PTPRZ1: variants seen among roughly 807,000 people sequenced by gnomAD.
PTPRZ1 encodes protein tyrosine phosphatase receptor type Z1, also known as receptor-type tyrosine-protein phosphatase zeta.
In PTPRZ1, 82 loss-of-function variants were observed where a neutral mutation model predicts 214.1. That is an observed-to-expected ratio of 0.38 (90% CI 0.32 to 0.46). The LOEUF (loss-of-function observed/expected upper bound fraction) is 0.46, where lower values mean the gene tolerates loss of function less well. Among genes scored for constraint, PTPRZ1 ranks in the 20% least tolerant of loss-of-function variants. PTPRZ1 has a pLI of 1.00. For synonymous variants in PTPRZ1, 945 were observed against 987.9 expected, an observed-to-expected ratio of 0.96 and a Z score of 0.81; for missense variants, 2,603 against 2,748.7, an observed-to-expected ratio of 0.95 and a Z score of 1.19.
intron 2 of PTPRZ1, among the ~76,000 whole-genome samples, chr7:121,951,739 T>C (rs1370769699): frequency 6.6e-6 from 1 of 152,202 alleles, no homozygotes; most frequent in Non-Finnish European, 1.5e-5. Flanking sequence ...CTGTGACTTC[T>C]CAGGGGTTTT....
intron 2 of PTPRZ1, among the ~76,000 whole-genome samples, chr7:121,965,448 G>A (rs1274078498): frequency 6.6e-6 from 1 of 152,128 alleles, no homozygotes; most frequent in Non-Finnish European, 1.5e-5. Flanking sequence ...TCAGCTCCCA[G>A]AGGCAGGTCT....
intron 28 of PTPRZ1, among the ~76,000 whole-genome samples, chr7:122,059,220 A>G (rs1015109939): frequency 7.9e-5 from 12 of 152,020 alleles, no homozygotes; most frequent in African/African-American, 2.9e-4. Context: ...GTGTTTTAGC[A>G]GTGAAATTTT....
chr7:121,972,325 T>G (rs900839716), intron 3 of PTPRZ1, among the ~76,000 whole-genome samples: 1 of 152,160 alleles, frequency 6.6e-6, no homozygotes. Context: ...AGTCATACAC[T>G]AGTCAATATC....
intron 23 of PTPRZ1, among the ~76,000 whole-genome samples, chr7:122,048,983 G>T (rs1792085763): frequency 6.6e-6 from 1 of 152,040 alleles, no homozygotes; most frequent in Non-Finnish European, 1.5e-5. Context: ...AAATCCAGCA[G>T]TGTATTTCTT....
chr7:122,050,579 A>T (rs1792147798), intron 23 of PTPRZ1, among the ~76,000 whole-genome samples: 1 of 152,138 alleles, frequency 6.6e-6, no homozygotes, highest in Non-Finnish European at 1.5e-5. Context: ...AACTTAAATA[A>T]GAAAAATAAA....
Position 122,035,621 on chromosome 7 carries a change from CA to C in PTPRZ1, c.5285-974del, listed in dbSNP as rs1041940601. Among the ~76,000 whole-genome samples the C allele has an allele frequency of 2.0e-4, 31 of 152,246 alleles. 1 individual carries two copies. The highest frequency in any genetic ancestry group is 2.0e-3 in the Admixed American group (30 of 15,300). ...TTCTAAAACTATTAAAACCAAACTA[CA>C]AAAATAGGTCACCCTGACATTGAGA... On this transcript the variant is annotated intron_variant, in intron 17 of 29. Transcript: ENST00000393386.
intron 14 of PTPRZ1, 70 bp from the exon 15 acceptor site, chr7:122,031,404 C>G: frequency 9.1e-7 from 1 of 1,104,768 alleles, no homozygotes; most frequent in Middle Eastern, 2.0e-4. Flanking sequence ...TCAGAAGCTA[C>G]TTTATAAGTG....
At chr7:121,910,645 A>C (rs1303511709) in intron 1 of PTPRZ1, among the ~76,000 whole-genome samples, 1 of 152,144 alleles carries the variant, frequency 6.6e-6, no homozygotes, top group Non-Finnish European at 1.5e-5. Flanking sequence ...AAGACTAAAA[A>C]AGGAAGGGAA....
rs190159207 is a variant in PTPRZ1, at chr7:122,057,815, A to G, written c.6529-985A>G. ...AAGATGCTCTCTTACACTGTTTTCC[A>G]AACGTACCACCTGAAATTGACTTTT... On this transcript the variant is annotated intron_variant, in intron 27 of 29. Transcript: ENST00000393386. Among the ~76,000 whole-genome samples, 236 of 151,880 alleles carry G rather than the reference A, an allele frequency of 1.6e-3. 2 individuals are homozygous for G. Among genetic ancestry groups the G allele is most frequent in the African/African-American group, 5.2e-3 (217 of 41,498 alleles).
Position 122,040,196 on chromosome 7 carries a change from G to C in PTPRZ1, c.5637+608G>C, listed in dbSNP as rs138038621. On this transcript the variant is annotated intron_variant, in intron 20 of 29. Coordinates refer to ENST00000393386, the MANE Select transcript of PTPRZ1 (RefSeq NM_002851.3). ...CACAATCCCAATATTCAACTAAAAA[G>C]AGTGGAGAGTGAAACAAGAAAAAGA... Among the ~76,000 whole-genome samples the C allele has an allele frequency of 1.8e-4, 28 of 152,262 alleles. 1 individual carries two copies. In the East Asian group the frequency reaches 3.9e-3, roughly 21 times the overall value.
Position 122,011,479 on chromosome 7 carries a change from G to A in PTPRZ1, c.2433G>A (p.Leu811=), listed in dbSNP as rs1451960595. The A allele has an allele frequency of 2.5e-6, 4 of 1,613,778 alleles. No individual in the cohort carries two copies. The highest frequency in any genetic ancestry group is 3.4e-6 in the Non-Finnish European group (4 of 1,179,884). Residue 811 remains leucine (L), a synonymous_variant, in exon 12 of 30, where the codon CTG becomes CTA. Transcript: ENST00000393386. ...TCGATGTGTCATTTGAATCCATCCTGTCTTCCTATGATGGTGCACCTTTGC... is the reference window on the plus strand; with the variant it reads ...TCGATGTGTCATTTGAATCCATCCTATCTTCCTATGATGGTGCACCTTTGC... ...PSVDVSFESI[L]SSYDGAPLLP...
At chr7:122,050,574 A>T (rs1792147511) in intron 23 of PTPRZ1, among the ~76,000 whole-genome samples, 1 of 152,112 alleles carries the variant, frequency 6.6e-6, no homozygotes, top group African/African-American at 2.4e-5. Context: ...CAGAAAACTT[A>T]AATAAGAAAA....
intron 2 of PTPRZ1, among the ~76,000 whole-genome samples, chr7:121,954,535 A>C (rs1796650083): frequency 6.6e-6 from 1 of 152,136 alleles, no homozygotes; most frequent in Non-Finnish European, 1.5e-5. Context: ...CTCATATCCC[A>C]TCTGGGTTAG....
At chr7:121,924,533 T>C (rs1315095785) in intron 1 of PTPRZ1, among the ~76,000 whole-genome samples, 1 of 152,210 alleles carries the variant, frequency 6.6e-6, no homozygotes. Context: ...GAATCTTGTA[T>C]TGAAAAAGCT....
intron 6 of PTPRZ1, among the ~76,000 whole-genome samples, chr7:121,983,387 A>G (rs1005869246): frequency 1.3e-5 from 2 of 152,352 alleles, no homozygotes; most frequent in African/African-American, 2.4e-5. Flanking sequence ...AACTATATCT[A>G]TTGAGATGAT....
rs77382468 is a variant in PTPRZ1, at chr7:121,961,262, A to G, written c.125-6689A>G. ...TGGTCTCCCCAGGCACATGGATCAT[A>G]ATCTGCCTTTCTGTCTCCCTCTGTA... is the stretch of plus-strand genomic sequence containing the variant. On this transcript the variant is annotated intron_variant, in intron 2 of 29. Transcript: ENST00000393386. Among the ~76,000 whole-genome samples, 174 of 152,252 alleles carry G rather than the reference A, an allele frequency of 1.1e-3. 7 individuals carry two copies. The East Asian group carries it at 0.028, about 24-fold the overall frequency.
At position 121,890,017 on chromosome 7, in the gene PTPRZ1, A is replaced by G. The variant is rs2116208854; in HGVS notation, c.58+16460A>G. Among the ~76,000 whole-genome samples the G allele has an allele frequency of 2.6e-5, 4 of 152,198 alleles. 1 individual carries two copies. The South Asian group carries it at 8.3e-4, about 32-fold the overall frequency. On this transcript the variant is annotated intron_variant, in intron 1 of 29. Transcript: ENST00000393386. ...GTTCCTTCTCATCCCCCCAACTTCTAAACATTGTAGTCCTGAGAGTTCTTC... is the reference window on the plus strand; with the variant it reads ...GTTCCTTCTCATCCCCCCAACTTCTGAACATTGTAGTCCTGAGAGTTCTTC...
chr7:121,962,015 T>C (rs143469695), intron 2 of PTPRZ1, among the ~76,000 whole-genome samples: 1 of 152,288 alleles, frequency 6.6e-6, no homozygotes, highest in African/African-American at 2.4e-5. Flanking sequence ...TTCACAATAG[T>C]TCCTAATAAC....
intron 8 of PTPRZ1, among the ~76,000 whole-genome samples, chr7:121,993,285 C>A (rs1798027067): frequency 6.6e-6 from 1 of 151,950 alleles, no homozygotes; most frequent in South Asian, 2.1e-4. Context: ...GGTGCGGTGA[C>A]TCATGCCTGT....
Sources: allele counts gnomAD v4.1 joint callset (sites outside exome capture counted in the v4.1 genomes callset), GRCh38; gene constraint gnomAD v4.1.1; transcripts MANE v1.5; gene names NCBI Gene and HGNC (gene_info 2026-07-23, HGNC 2026-07-21).